NUBP1: variants seen among roughly 807,000 people sequenced by gnomAD.
NUBP1 encodes the protein NUBP iron-sulfur cluster assembly factor 1, cytosolic.
NUBP1 carries 46 observed loss-of-function variants against 41.8 expected under a neutral mutation model. The observed-to-expected ratio is 1.10, with a 90% CI of 0.87 to 1.41. NUBP1 has a LOEUF of 1.41. Ranked by LOEUF, NUBP1 falls within the 40% of genes most tolerant of loss-of-function variation. The pLI is 0.00. For synonymous variants in NUBP1, 189 were observed against 154.6 expected (o/e 1.22, Z -1.65); for missense variants, 494 against 414.0 (o/e 1.19, Z -1.68).
intron 2 of NUBP1, among the ~76,000 whole-genome samples, chr16:10,745,326 G>A (rs1900010471): frequency 6.6e-6 from 1 of 152,070 alleles, no homozygotes; most frequent in Non-Finnish European, 1.5e-5. Flanking sequence ...AAATTAGCCA[G>A]CATGGTGGTG....
chr16:10,757,938 C>G lies in NUBP1; in HGVS notation c.517C>G (p.Pro173Ala), dbSNP rs781712898. 1.9e-6 allele frequency: 3 copies of G among 1,613,994 alleles called. No individual in the cohort carries two copies. The African/African-American group carries it at 4.0e-5, about 22-fold the overall frequency. The change falls in exon 7 of 11, where the codon CCA becomes GCA. Residue 173 changes from proline to alanine, a missense_variant. Transcript: ENST00000283027. This position sits in a 1 kb window ranked among gnomAD's most constrained non-coding sequence, Gnocchi z 4.1. Reference protein sequence around the residue: ...GEVDYLIVDTPPGTSDEHLSV... With the variant: ...GEVDYLIVDTAPGTSDEHLSV... Reference sequence around the variant, plus strand: ...GGTCGACTACCTCATTGTGGACACCCCACCTGGGACGTCGGATGAACACCT... The same window carrying G: ...GGTCGACTACCTCATTGTGGACACCGCACCTGGGACGTCGGATGAACACCT...
intron 3 of NUBP1, among the ~76,000 whole-genome samples, chr16:10,751,395 A>C (rs1012633322): frequency 1.3e-5 from 2 of 152,144 alleles, no homozygotes; most frequent in African/African-American, 4.8e-5. Flanking sequence ...TTCTCCCCGG[A>C]TGGCTCCATA....
rs989739096 is a variant in NUBP1 at position 10,768,845 on chromosome 16, A to G, written c.905-202A>G. 2 of 532,454 alleles carry G rather than the reference A, an allele frequency of 3.8e-6. No individual in the cohort carries two copies. The highest frequency in any genetic ancestry group is 6.7e-6 in the Non-Finnish European group (2 of 299,396). 33.0% of individuals were successfully genotyped at this position (532,454 alleles called of 1,614,324 possible). A position where few individuals can be genotyped will look rare whatever the true frequency, so the allele number is the denominator to read the frequency against. On this transcript the variant is annotated intron_variant, in intron 10 of 10. Coordinates refer to ENST00000283027, the MANE Select transcript of NUBP1 (RefSeq NM_002484.4). This position sits in a 1 kb window ranked among gnomAD's most constrained non-coding sequence, Gnocchi z 4.3. ...CTATAGATGGTCCGAGGAAGGCCGC[A>G]GCCACTGGTTATGAGCAAGATGGGT...
At chr16:10,745,267 G>A (rs964211084) in intron 2 of NUBP1, among the ~76,000 whole-genome samples, 21 of 151,546 alleles carry the variant, frequency 1.4e-4, no homozygotes, top group Non-Finnish European at 2.2e-4. Context: ...TCAGGAGTTC[G>A]AGACCAGCCT....
chr16:10,758,781 G>A (rs920141736), intron 7 of NUBP1, among the ~76,000 whole-genome samples: 6 of 152,188 alleles, frequency 3.9e-5, no homozygotes, highest in African/African-American at 1.4e-4. Flanking sequence ...TGCAGATAGG[G>A]ATTTCGGGAT....
intron 2 of NUBP1, among the ~76,000 whole-genome samples, chr16:10,745,651 G>GA (rs1291999038): frequency 6.6e-6 from 1 of 152,194 alleles, no homozygotes. Context: ...ATTAAAAGGG[G>GA]AAAAAGCATG....
Position 10,767,322 on chromosome 16 carries a change from C to T in NUBP1, c.821-627C>T, listed in dbSNP as rs980037363. On this transcript the variant is annotated intron_variant, in intron 9 of 10. Coordinates refer to ENST00000283027, the MANE Select transcript of NUBP1 (RefSeq NM_002484.4). The surrounding 1 kb of genome is among the most constrained non-coding windows in gnomAD (Gnocchi z 4.6). ...AAACCTGGGTGTGCATAGGAGGGGA[C>T]TGGAACAATGGCCACATGGCGGGGA... 2 of 399,616 alleles carry T rather than the reference C, an allele frequency of 5.0e-6. No homozygotes were observed. The highest frequency in any genetic ancestry group is 2.5e-4 in the South Asian group (2 of 7,882). 24.8% of individuals were successfully genotyped at this position (399,616 alleles called of 1,614,324 possible). A position where few individuals can be genotyped will look rare whatever the true frequency, so the allele number is the denominator to read the frequency against.
chr16:10,769,020 C>T (rs201978663), intron 10 of NUBP1, 27 bp from the exon 11 acceptor site: 2 of 1,612,436 alleles, frequency 1.2e-6, no homozygotes, highest in Non-Finnish European at 1.7e-6. Flanking sequence ...GCCATTAGCA[C>T]TCTATGCCTG....
chr16:10,759,314 A>G lies in NUBP1; in HGVS notation c.606+1287A>G, dbSNP rs969063367. ...GGGTGTCCGGGTCAGAAAATGGTGC[A>G]AGATTCATGTCCACCCTGGCATCCT... On this transcript the variant is annotated intron_variant, in intron 7 of 10. Transcript: ENST00000283027. The surrounding 1 kb of genome is among the most constrained non-coding windows in gnomAD (Gnocchi z 4.7). Among the ~76,000 whole-genome samples, 2 of 152,308 alleles carry G rather than the reference A, an allele frequency of 1.3e-5. No homozygotes were observed. Among genetic ancestry groups the G allele is most frequent in the South Asian group, 4.1e-4 (2 of 4,822 alleles).
At position 10,756,752 on chromosome 16, in the gene NUBP1, T is replaced by C. The variant is rs748851163; in HGVS notation, c.423T>C (p.Ala141=). The C allele has an allele frequency of 1.6e-5, 26 of 1,591,892 alleles. No homozygotes were observed. The highest frequency in any genetic ancestry group is 2.1e-5 in the Non-Finnish European group (25 of 1,171,866). ...TCCTGCTCAGCAGTCCTGATGATGC[T>C]GTTATCTGGAGGGGACCCAAGAAAA... ...VGFLLSSPDD[A]VIWRGPKKNG... The change falls in exon 6 of 11, where the codon GCT becomes GCC. Residue 141 remains alanine (A), a synonymous_variant. Coordinates refer to ENST00000283027, the MANE Select transcript of NUBP1 (RefSeq NM_002484.4).
In NUBP1 at chr16:10,761,843, C is replaced by T. The variant is rs1278038089; in HGVS notation, c.804C>T (p.Pro268=). 1.9e-6 allele frequency: 3 copies of T among 1,613,804 alleles called. No individual in the cohort carries two copies. Among genetic ancestry groups the T allele is most frequent in the East Asian group, 2.2e-5 (1 of 44,880 alleles). ...AGGTCCCTCTCCTCGGCAGAGTGCC[C>T]CTGGATCCGCTCATAGGTGGGTGAC... ...DLEVPLLGRV[P]LDPLIGKNCD... Residue 268 remains proline, a synonymous_variant, in exon 9 of 11, where the codon CCC becomes CCT. Coordinates refer to ENST00000283027, the MANE Select transcript of NUBP1 (RefSeq NM_002484.4).
rs1374327080 is a variant in NUBP1, at chr16:10,747,283, C to T, written c.258+7C>T. ...AGAGGATGAAAACACACAGGTGAGACCTCAGGAACCACTGGGAGATGCTCA... is the reference window on the plus strand; with the variant it reads ...AGAGGATGAAAACACACAGGTGAGATCTCAGGAACCACTGGGAGATGCTCA... On this transcript the variant is annotated splice_region_variant and intron_variant, in intron 3 of 10. Transcript: ENST00000283027. 6.2e-7 allele frequency: 1 copy of T among 1,612,648 alleles called. No individual in the cohort carries two copies. Among genetic ancestry groups the T allele is most frequent in the Non-Finnish European group, 8.5e-7 (1 of 1,179,788 alleles).
At position 10,767,796 on chromosome 16, in the gene NUBP1, G is replaced by T. The variant is rs2031115816; in HGVS notation, c.821-153G>T. 1.5e-6 allele frequency: 1 copy of T among 660,516 alleles called. No homozygotes were observed. The highest frequency in any genetic ancestry group is 2.6e-6 in the Non-Finnish European group (1 of 380,968). The allele number at this position is 660,516 out of a possible 1,614,324, so 40.9% of individuals were successfully genotyped here. ...ACCCTGCTGGAAGGAAGGTCCCTGA[G>T]ACCCCACTGGTCTTTTCTACTTTGT... On this transcript the variant is annotated intron_variant, in intron 9 of 10. Coordinates refer to ENST00000283027, the MANE Select transcript of NUBP1 (RefSeq NM_002484.4). The surrounding 1 kb of genome is among the most constrained non-coding windows in gnomAD (Gnocchi z 4.6).
intron 7 of NUBP1, among the ~76,000 whole-genome samples, chr16:10,760,167 C>G (rs1900843304): frequency 6.6e-6 from 1 of 152,236 alleles, no homozygotes; most frequent in South Asian, 2.1e-4. Flanking sequence ...TTATAATTAT[C>G]TAGAGCAGGG....
At chr16:10,758,709 T>C (rs2142731737) in intron 7 of NUBP1, among the ~76,000 whole-genome samples, 1 of 152,316 alleles carries the variant, frequency 6.6e-6, no homozygotes, top group East Asian at 1.9e-4. Flanking sequence ...TACAGTGGAT[T>C]TTCCGTTTAC....
At chr16:10,758,782 A>G (rs1349758008) in intron 7 of NUBP1, among the ~76,000 whole-genome samples, 1 of 152,128 alleles carries the variant, frequency 6.6e-6, no homozygotes, top group Non-Finnish European at 1.5e-5. Context: ...GCAGATAGGG[A>G]TTTCGGGATA....
In NUBP1 at chr16:10,757,637, G is replaced by A. The variant is rs1190071414; in HGVS notation, c.452-236G>A. ...CCCAGTTGAGAGCCACTGACTTACAGCATAGACCAAAGGCACAAAAAGATC... is the reference window on the plus strand; with the variant it reads ...CCCAGTTGAGAGCCACTGACTTACAACATAGACCAAAGGCACAAAAAGATC... On this transcript the variant is annotated intron_variant, in intron 6 of 10. Coordinates refer to ENST00000283027, the MANE Select transcript of NUBP1 (RefSeq NM_002484.4). This position sits in a 1 kb window ranked among gnomAD's most constrained non-coding sequence, Gnocchi z 4.1. 1.3e-5 allele frequency among the ~76,000 whole-genome samples: 2 copies of A among 152,156 alleles called. No individual in the cohort carries two copies. Among genetic ancestry groups the A allele is most frequent in the African/African-American group, 4.8e-5 (2 of 41,450 alleles).
intron 3 of NUBP1, among the ~76,000 whole-genome samples, chr16:10,750,521 C>T (rs1319983389): frequency 2.6e-5 from 4 of 152,326 alleles, no homozygotes; most frequent in East Asian, 1.9e-4. Flanking sequence ...AAATTATAGG[C>T]GTAAGCCACC....
chr16:10,753,917 C>T (rs989077278), intron 4 of NUBP1, among the ~76,000 whole-genome samples: 1 of 152,146 alleles, frequency 6.6e-6, no homozygotes, highest in East Asian at 1.9e-4. Context: ...TGGGGCCGGC[C>T]TTGCAGGCAC....
Sources: gnomAD v4.1 joint callset for allele counts (sites outside exome capture counted in the v4.1 genomes callset) on GRCh38, gnomAD v4.1.1 for gene constraint, Gnocchi (gnomAD v3.1) non-coding constraint, MANE v1.5 for transcripts, NCBI Gene and HGNC (gene_info 2026-07-23, HGNC 2026-07-21) for gene names.